The following ACOXL variants were observed in gnomAD, a reference collection of about 807,000 sequenced individuals.
The protein encoded by ACOXL is acyl-coenzyme A oxidase-like protein.
A neutral mutation model predicts 71.9 loss-of-function variants in ACOXL; 70 were observed. That is an observed-to-expected ratio of 0.97 (90% confidence interval 0.80 to 1.19). The LOEUF (loss-of-function observed/expected upper bound fraction) is 1.19. Ranked by LOEUF, ACOXL falls within the 50% of genes most tolerant of loss-of-function variation. The pLI, the probability that ACOXL is intolerant of heterozygous loss-of-function variation, is 0.00. For synonymous variants in ACOXL, 253 were observed against 281.6 expected, an observed-to-expected ratio of 0.90 and a Z score of 1.02; for missense variants, 703 against 736.3, an observed-to-expected ratio of 0.95 and a Z score of 0.52.
At chr2:110,947,762 A>C (rs1427252105) in intron 12 of ACOXL, among the ~76,000 whole-genome samples, 1 of 152,186 alleles carries the variant, frequency 6.6e-6, no homozygotes, top group Non-Finnish European at 1.5e-5. Context: ...GGACCAGAAC[A>C]CACCACAGGG....
chr2:110,933,569 C>T lies in ACOXL; in HGVS notation c.986C>T (p.Ala329Val), dbSNP rs766400615. Residue 329 changes from alanine (A) to valine (V), a missense_variant, in exon 12 of 18, where the codon GCG becomes GTG. Coordinates refer to ENST00000439055, the MANE Select transcript of ACOXL (RefSeq NM_001142807.4). ...AGTCGCTCGCTGCAGGCTCTGGTGG[C>T]GGGGCTGAAGGCCTACAGCACCTGG... ...VNSRSLQALVAGLKAYSTWEN... is the reference protein window; with the variant it reads ...VNSRSLQALVVGLKAYSTWEN... The T allele has an allele frequency of 3.9e-5, 63 of 1,613,970 alleles. No homozygotes were observed. Among genetic ancestry groups the T allele is most frequent in the Middle Eastern group, 1.7e-4 (1 of 6,028 alleles).
At chr2:111,051,140 GAA>G (rs2066270088) in intron 16 of ACOXL, among the ~76,000 whole-genome samples, 1 of 152,192 alleles carries the variant, frequency 6.6e-6, no homozygotes, top group African/African-American at 2.4e-5. Context: ...CATCATCAAA[GAA>G]AGAAGTTTCA....
intron 10 of ACOXL, among the ~76,000 whole-genome samples, chr2:110,895,025 G>C (rs1169243475): frequency 1.3e-5 from 2 of 152,088 alleles, no homozygotes; most frequent in Admixed American, 1.3e-4. Flanking sequence ...ACTATATCAA[G>C]AATCAGGTAT....
chr2:110,872,918 C>G (rs532968305), intron 10 of ACOXL, among the ~76,000 whole-genome samples: 29 of 152,342 alleles, frequency 1.9e-4, no homozygotes, highest in Middle Eastern at 3.4e-3. Context: ...GAGAGTGACA[C>G]CTCACGGGGC....
chr2:110,789,903 G>A (rs1318293132), intron 3 of ACOXL, among the ~76,000 whole-genome samples: 1 of 152,222 alleles, frequency 6.6e-6, no homozygotes, highest in Non-Finnish European at 1.5e-5. Flanking sequence ...CCGGGGAGCC[G>A]GCAGGCTTCC....
intron 9 of ACOXL, among the ~76,000 whole-genome samples, chr2:110,821,428 C>T (rs551057441): frequency 1.3e-5 from 2 of 152,248 alleles, no homozygotes; most frequent in Admixed American, 6.5e-5. Flanking sequence ...CAGCGGGGCC[C>T]AGAGCTGCCT....
chr2:110,871,652 T>C (rs925844350), intron 10 of ACOXL, among the ~76,000 whole-genome samples: 3 of 151,978 alleles, frequency 2.0e-5, no homozygotes, highest in Non-Finnish European at 1.5e-5. Context: ...AAATCACTGG[T>C]GGTAAGATGA....
rs376371379 is a variant in ACOXL, at chr2:110,940,932, CTT to C, written c.1059+7293_1059+7294del. ...CTTTGGAATTAAATCATATTTTAGT[CTT>C]TTAACTCCTTTGTTTCTGAGTTCTA... On this transcript the variant is annotated intron_variant, in intron 12 of 17. Coordinates refer to ENST00000439055, the MANE Select transcript of ACOXL (RefSeq NM_001142807.4). Among the ~76,000 whole-genome samples the C allele has an allele frequency of 9.5e-3, 1,444 of 152,276 alleles. 12 individuals are homozygous for C. The highest frequency in any genetic ancestry group is 0.045 in the Middle Eastern group (13 of 292).
chr2:111,093,519 T>G, intron 17 of ACOXL: 1 of 1,613,932 alleles, frequency 6.2e-7, no homozygotes. Flanking sequence ...GGTATAAGAC[T>G]CAGTCTCCAC....
At chr2:110,784,694 A>T (rs1351779547) in intron 2 of ACOXL, 38 bp from the exon 3 acceptor site, 1 of 1,494,760 alleles carries the variant, frequency 6.7e-7, no homozygotes, top group Non-Finnish European at 9.0e-7. Flanking sequence ...TCAGAAAACC[A>T]TAAGGAAACC....
At chr2:111,031,181 T>C (rs1309158149) in intron 14 of ACOXL, among the ~76,000 whole-genome samples, 2 of 152,190 alleles carry the variant, frequency 1.3e-5, no homozygotes, top group Non-Finnish European at 2.9e-5. Context: ...TCTTGAGACA[T>C]AACATGTTTG....
chr2:110,964,737 G>A (rs1054135255), intron 12 of ACOXL, among the ~76,000 whole-genome samples: 2 of 152,168 alleles, frequency 1.3e-5, no homozygotes, highest in African/African-American at 4.8e-5. Flanking sequence ...GTGATGTTTT[G>A]TTACATGCCT....
At chr2:110,880,149 C>CAA (rs1553411834) in intron 10 of ACOXL, among the ~76,000 whole-genome samples, 9 of 18,676 alleles carry the variant, frequency 4.8e-4, no homozygotes, top group African/African-American at 2.1e-3. Context: ...GACTCTGTCA[C>CAA]AAACAAAAAA....
chr2:110,924,864 G>A (rs1258422639), intron 11 of ACOXL, among the ~76,000 whole-genome samples: 1 of 151,434 alleles, frequency 6.6e-6, no homozygotes, highest in Non-Finnish European at 1.5e-5. Flanking sequence ...AGGAATCACT[G>A]TCTATGACAG....
At chr2:111,002,162 G>C (rs572387360) in intron 14 of ACOXL, among the ~76,000 whole-genome samples, 1 of 152,172 alleles carries the variant, frequency 6.6e-6, no homozygotes, top group Non-Finnish European at 1.5e-5. Context: ...GGGACAGACA[G>C]CCAGCAACTG....
chr2:110,834,590 C>T (rs145691031), intron 9 of ACOXL, among the ~76,000 whole-genome samples: 144 of 152,368 alleles, frequency 9.5e-4, no homozygotes, highest in African/African-American at 3.3e-3. Context: ...AGTCCCAGTT[C>T]ACTGTGACAG....
chr2:110,895,838 TTTCAGATGA>T (rs2058986153), intron 10 of ACOXL, among the ~76,000 whole-genome samples: 1 of 152,120 alleles, frequency 6.6e-6, no homozygotes, highest in South Asian at 2.1e-4. Flanking sequence ...ATCAAGGCAC[TTTCAGATGA>T]AGGGAAACTA....
chr2:110,990,427 G>GT (rs1399088305), intron 13 of ACOXL, among the ~76,000 whole-genome samples: 3 of 152,100 alleles, frequency 2.0e-5, no homozygotes, highest in Non-Finnish European at 2.9e-5. Context: ...ATTCTTTGGA[G>GT]TTTTTTTCCA....
chr2:110,908,135 A>C (rs1177708453), intron 10 of ACOXL, among the ~76,000 whole-genome samples: 1 of 152,196 alleles, frequency 6.6e-6, no homozygotes, highest in Non-Finnish European at 1.5e-5. Flanking sequence ...ATCCTGGGGG[A>C]TTTGTCCCTG....
Sources: gnomAD v4.1 joint callset for allele counts (sites outside exome capture counted in the v4.1 genomes callset) on GRCh38, gnomAD v4.1.1 for gene constraint, MANE v1.5 for transcripts, NCBI Gene and HGNC (gene_info 2026-07-23, HGNC 2026-07-21) for gene names.